SOX5: variants seen among roughly 807,000 people sequenced by gnomAD.
SOX5 encodes SRY-box transcription factor 5.
A neutral mutation model predicts 92.0 loss-of-function variants in SOX5; 9 were observed. That is an observed-to-expected ratio of 0.10 (90% CI 0.06 to 0.17). SOX5 has a LOEUF of 0.17. Among genes scored for constraint, SOX5 ranks in the 10% least tolerant of loss-of-function variants. The pLI, the probability that SOX5 is intolerant of heterozygous loss-of-function variation, is 1.00. For missense variants in SOX5, 642 were observed against 944.5 expected, an observed-to-expected ratio of 0.68 and a Z score of 4.20; for synonymous variants, 344 against 336.3, an observed-to-expected ratio of 1.02 and a Z score of -0.25.
At chr12:24,057,552 A>G (rs1958256683) in intron 4 of SOX5, among the ~76,000 whole-genome samples, 3 of 152,208 alleles carry the variant, frequency 2.0e-5, no homozygotes, top group African/African-American at 7.2e-5. Flanking sequence ...TTCATCGCAA[A>G]TGCAAATTGA....
chr12:24,059,535 GAACAGT>G (rs1191750853), intron 4 of SOX5, among the ~76,000 whole-genome samples: 1 of 152,094 alleles, frequency 6.6e-6, no homozygotes, highest in Admixed American at 6.6e-5. Context: ...GATGAGGAAG[GAACAGT>G]AAGTGACTCC....
intron 2 of SOX5, among the ~76,000 whole-genome samples, chr12:24,361,670 C>T (rs1449576128): frequency 6.6e-6 from 1 of 152,128 alleles, no homozygotes; most frequent in Admixed American, 6.5e-5. Flanking sequence ...CGCACACGCA[C>T]ATGTGCATAA....
Position 23,543,342 on chromosome 12 carries a change from C to T in SOX5, c.1640G>A (p.Arg547Gln), listed in dbSNP as rs761424973. The change falls in exon 13 of 15, where the codon CGA becomes CAA. Residue 547 changes from arginine to glutamine, a missense_variant. Arg to Gln is a conservative substitution (Grantham distance 43). Coordinates refer to ENST00000451604, the MANE Select transcript of SOX5 (RefSeq NM_006940.6). Reference protein sequence around the residue: ...VSESRIYRESRGRGSNEPHIK... With the variant: ...VSESRIYRESQGRGSNEPHIK... ...GTGGGGTTCATTGCTACCACGCCCT[C>T]GGGATTCCCTATAAATTCTTGACTC... 1.2e-6 allele frequency: 2 copies of T among 1,613,910 alleles called. No homozygotes were observed. Among genetic ancestry groups the T allele is most frequent in the East Asian group, 2.2e-5 (1 of 44,856 alleles).
At chr12:24,466,980 TA>T (rs1368727650) in intron 1 of SOX5, among the ~76,000 whole-genome samples, 2 of 152,210 alleles carry the variant, frequency 1.3e-5, no homozygotes, top group Admixed American at 6.5e-5. Flanking sequence ...TTCTGTTTCC[TA>T]AAACCACCAG....
intron 8 of SOX5, among the ~76,000 whole-genome samples, chr12:23,635,297 C>G (rs1332481216): frequency 6.6e-6 from 1 of 152,072 alleles, no homozygotes; most frequent in African/African-American, 2.4e-5. Flanking sequence ...GAAAGAACTT[C>G]AAAACACCAG....
At chr12:23,557,751 G>A (rs979411083) in intron 11 of SOX5, among the ~76,000 whole-genome samples, 2 of 152,110 alleles carry the variant, frequency 1.3e-5, no homozygotes, top group South Asian at 2.1e-4. Flanking sequence ...CAAGGCGGGC[G>A]GATCATGAGG....
At chr12:24,552,096 C>A (rs985835107) in intron 1 of SOX5, among the ~76,000 whole-genome samples, 2 of 152,188 alleles carry the variant, frequency 1.3e-5, no homozygotes, top group Admixed American at 1.3e-4. Flanking sequence ...CTCCCCAACC[C>A]CTAGATTCCT....
chr12:23,570,798 C>A (rs1209567127), intron 10 of SOX5, among the ~76,000 whole-genome samples: 1 of 149,506 alleles, frequency 6.7e-6, no homozygotes, highest in Non-Finnish European at 1.5e-5. Flanking sequence ...ATAGTCCCAG[C>A]TACTCTGGAG....
intron 4 of SOX5, among the ~76,000 whole-genome samples, chr12:24,183,056 C>T (rs1955669546): frequency 6.6e-6 from 1 of 152,132 alleles, no homozygotes; most frequent in African/African-American, 2.4e-5. Flanking sequence ...CTTTTACCAG[C>T]ATTATAATTT....
intron 4 of SOX5, among the ~76,000 whole-genome samples, chr12:24,165,738 T>TGGGGAAGA: frequency 1.3e-5 from 2 of 151,588 alleles, no homozygotes; most frequent in East Asian, 3.9e-4. Context: ...GAGCCAACGG[T>TGGGGAAGA]GGGGAAGAGG....
intron 2 of SOX5, among the ~76,000 whole-genome samples, chr12:24,341,611 G>C (rs1952582257): frequency 2.0e-5 from 3 of 152,222 alleles, no homozygotes; most frequent in Non-Finnish European, 4.4e-5. Flanking sequence ...ACCATGCACT[G>C]TTTCTATCAC....
Position 24,466,189 on chromosome 12 carries a change from C to G in SOX5, c.-251+96140G>C, listed in dbSNP as rs1944215068. The stretch of plus-strand genomic sequence containing the variant: ...GAAAGCCCTCAGTACTCCAACATTC[C>G]TCCTCCTCATCTTCTTTTCTTCCTC... On this transcript the variant is annotated intron_variant, in intron 1 of 4. Coordinates refer to the SOX5 transcript ENST00000446891. Among the ~76,000 whole-genome samples, 3 of 151,792 alleles carry G rather than the reference C, an allele frequency of 2.0e-5. No homozygotes were observed. The South Asian group carries it at 6.2e-4, about 32-fold the overall frequency.
chr12:24,514,134 G>A (rs192135900), intron 1 of SOX5, among the ~76,000 whole-genome samples: 4 of 152,248 alleles, frequency 2.6e-5, no homozygotes, highest in Non-Finnish European at 5.9e-5. Context: ...TTAGCCAATT[G>A]CTTCTTTCAA....
chr12:24,539,788 C>T (rs1007628740), intron 1 of SOX5, among the ~76,000 whole-genome samples: 2 of 152,038 alleles, frequency 1.3e-5, no homozygotes, highest in Admixed American at 6.6e-5. Flanking sequence ...TAATTTAGTC[C>T]TACTTCATTT....
chr12:23,677,709 T>C (rs188192045), intron 6 of SOX5, among the ~76,000 whole-genome samples: 1 of 152,292 alleles, frequency 6.6e-6, no homozygotes, highest in East Asian at 1.9e-4. Flanking sequence ...AATTTCCCAG[T>C]GAGTAATTTC....
At chr12:24,138,529 A>T (rs569183962) in intron 4 of SOX5, among the ~76,000 whole-genome samples, 1 of 152,350 alleles carries the variant, frequency 6.6e-6, no homozygotes, top group African/African-American at 2.4e-5. Flanking sequence ...ATGAACACTT[A>T]AACATCAGAT....
chr12:24,506,869 T>C (rs368333915), intron 1 of SOX5, among the ~76,000 whole-genome samples: 5,020 of 138,922 alleles, frequency 0.036, 112 homozygotes, highest in Admixed American at 0.056. Flanking sequence ...CGGCTCACTG[T>C]AAGCTCCGCC....
At chr12:24,203,988 C>T (rs940939463) in intron 4 of SOX5, among the ~76,000 whole-genome samples, 9 of 151,982 alleles carry the variant, frequency 5.9e-5, no homozygotes, top group African/African-American at 2.2e-4. Context: ...AGAACTACAC[C>T]AAAAAAGTCC....
chr12:24,173,162 C>G (rs1157325164), intron 4 of SOX5, among the ~76,000 whole-genome samples: 2 of 152,168 alleles, frequency 1.3e-5, no homozygotes, highest in African/African-American at 4.8e-5. Context: ...ATCGTCCCAC[C>G]CTCTCGCACA....
Sources: gnomAD v4.1 joint callset for allele counts (sites outside exome capture counted in the v4.1 genomes callset) on GRCh38, gnomAD v4.1.1 for gene constraint, MANE v1.5 for transcripts, NCBI Gene and HGNC (gene_info 2026-07-23, HGNC 2026-07-21) for gene names.